Variants in SEMA3A observed in about 807,000 individuals in gnomAD.
The protein encoded by SEMA3A is semaphorin 3A.
A neutral mutation model predicts 97.9 loss-of-function variants in SEMA3A; 29 were observed. The ratio of observed to expected loss-of-function variants is 0.30; its 90% CI spans 0.22 to 0.40. The LOEUF is 0.40. Ranked by LOEUF, SEMA3A falls within the 10% of genes least tolerant of loss-of-function variation. The pLI is 1.00. For synonymous variants in SEMA3A, 321 were observed against 323.7 expected (o/e 0.99, Z 0.09); for missense variants, 763 against 951.3 (o/e 0.80, Z 2.60).
chr7:84,311,346 A>G (rs1562897487), intron 2 of SEMA3A, among the ~76,000 whole-genome samples: 2 of 151,956 alleles, frequency 1.3e-5, no homozygotes, highest in African/African-American at 4.8e-5. Context: ...ATTAGAATAA[A>G]TGTATGTATT....
intron 1 of SEMA3A, among the ~76,000 whole-genome samples, chr7:84,152,880 T>TA (rs911593138): frequency 6.6e-6 from 1 of 152,190 alleles, no homozygotes; most frequent in East Asian, 1.9e-4. Flanking sequence ...CATTTAAACG[T>TA]AAAAAAGTTG....
intron 3 of SEMA3A, among the ~76,000 whole-genome samples, chr7:84,246,100 C>G (rs1301086612): frequency 6.6e-6 from 1 of 152,192 alleles, no homozygotes; most frequent in Non-Finnish European, 1.5e-5. Context: ...GCAGGATTTG[C>G]AGCATTGCAG....
In SEMA3A at chr7:83,958,976, C is replaced by G. The variant is rs1460758687; in HGVS notation, c.*2395G>C. On this transcript the variant is annotated 3_prime_UTR_variant, in exon 17 of 17. Coordinates refer to ENST00000265362, the MANE Select transcript of SEMA3A (RefSeq NM_006080.3). ...TAATTCTTTTTCGTGCAAACTGCCCCCTCTCAATACACATGGGCAGAGATT... is the reference window on the plus strand; with the variant it reads ...TAATTCTTTTTCGTGCAAACTGCCCGCTCTCAATACACATGGGCAGAGATT... 1 of 151,950 alleles carries G rather than the reference C, an allele frequency of 6.6e-6. No individual in the cohort carries two copies. The highest frequency in any genetic ancestry group is 1.5e-5 in the Non-Finnish European group (1 of 67,884). The allele number at this position is 151,950 out of a possible 1,614,324, so 9.4% of individuals were successfully genotyped here.
intron 3 of SEMA3A, among the ~76,000 whole-genome samples, chr7:84,204,292 T>A (rs1798433449): frequency 6.6e-6 from 1 of 152,210 alleles, no homozygotes; most frequent in Non-Finnish European, 1.5e-5. Flanking sequence ...TCATAATTTG[T>A]AGCAATATAA....
chr7:84,050,828 T>C (rs1276053037), intron 5 of SEMA3A, among the ~76,000 whole-genome samples: 2 of 152,054 alleles, frequency 1.3e-5, no homozygotes, highest in African/African-American at 4.8e-5. Flanking sequence ...TCTTCTAGGG[T>C]TTTTATGGTT....
chr7:84,146,334 A>C (rs1439480280), intron 1 of SEMA3A, among the ~76,000 whole-genome samples: 1 of 152,136 alleles, frequency 6.6e-6, no homozygotes, highest in Non-Finnish European at 1.5e-5. Context: ...CATTTAGAAA[A>C]GAGCATACAT....
chr7:84,423,260 G>A (rs1804649853), intron 1 of SEMA3A, among the ~76,000 whole-genome samples: 1 of 152,004 alleles, frequency 6.6e-6, no homozygotes, highest in South Asian at 2.1e-4. Flanking sequence ...ATATGAATTT[G>A]TTACTAGGTT....
intron 3 of SEMA3A, among the ~76,000 whole-genome samples, chr7:84,306,944 T>C (rs1413857913): frequency 6.8e-6 from 1 of 147,664 alleles, no homozygotes. Flanking sequence ...AGTCTGGAGA[T>C]TTTTTTTTTT....
chr7:84,153,461 T>G lies in SEMA3A; in HGVS notation c.113-18510A>C, dbSNP rs183183199. On this transcript the variant is annotated intron_variant, in intron 1 of 16. Transcript: ENST00000265362. Reference sequence around the variant, plus strand: ...TACTGACCTTAGAAATCTTACCTTATGATCATGTGATGGCAAGTAAATGAG... The same window carrying G: ...TACTGACCTTAGAAATCTTACCTTAGGATCATGTGATGGCAAGTAAATGAG... Among the ~76,000 whole-genome samples, 227 of 152,262 alleles carry G rather than the reference T, an allele frequency of 1.5e-3. 3 individuals carry two copies. Among genetic ancestry groups the G allele is most frequent in the Admixed American group, 0.013 (204 of 15,302 alleles).
At chr7:84,146,008 T>A (rs1796453105) in intron 1 of SEMA3A, among the ~76,000 whole-genome samples, 1 of 152,178 alleles carries the variant, frequency 6.6e-6, no homozygotes. Context: ...CTCCTGCTTC[T>A]AGTTGATTTT....
At chr7:84,004,410 T>C (rs1790582171) in intron 11 of SEMA3A, among the ~76,000 whole-genome samples, 1 of 152,150 alleles carries the variant, frequency 6.6e-6, no homozygotes, top group Admixed American at 6.6e-5. Context: ...GAATCAATTA[T>C]GTTGTTTTTC....
intron 3 of SEMA3A, among the ~76,000 whole-genome samples, chr7:84,118,962 A>G (rs952369649): frequency 1.3e-5 from 2 of 152,174 alleles, no homozygotes; most frequent in Non-Finnish European, 2.9e-5. Context: ...GCCATAGACT[A>G]GCTCATTGTG....
At chr7:84,052,626 C>A (rs1006505556) in intron 5 of SEMA3A, among the ~76,000 whole-genome samples, 2 of 151,916 alleles carry the variant, frequency 1.3e-5, no homozygotes, top group Admixed American at 6.6e-5. Flanking sequence ...GTCTTGCTAG[C>A]GGCCTATCAA....
At chr7:84,259,489 G>A (rs1344430713) in intron 3 of SEMA3A, among the ~76,000 whole-genome samples, 1 of 151,986 alleles carries the variant, frequency 6.6e-6, no homozygotes, top group Non-Finnish European at 1.5e-5. Flanking sequence ...GGAATTGGGG[G>A]TGAAATGAAG....
intron 3 of SEMA3A, among the ~76,000 whole-genome samples, chr7:84,243,562 GGTCT>G (rs1169919418): frequency 3.9e-5 from 6 of 152,020 alleles, no homozygotes; most frequent in South Asian, 2.1e-4. Flanking sequence ...TTTGCCTAGT[GGTCT>G]GTCTATTTTG....
chr7:83,997,722 A>G (rs1248515831), intron 12 of SEMA3A, among the ~76,000 whole-genome samples: 1 of 152,084 alleles, frequency 6.6e-6, no homozygotes, highest in Non-Finnish European at 1.5e-5. Flanking sequence ...TTTAATTGTT[A>G]CAGATTGATA....
At chr7:84,331,398 A>C (rs1360849411) in intron 2 of SEMA3A, among the ~76,000 whole-genome samples, 1 of 152,176 alleles carries the variant, frequency 6.6e-6, no homozygotes, top group African/African-American at 2.4e-5. Flanking sequence ...ATAAAGTTTG[A>C]AAATGAAAGA....
chr7:84,299,808 T>TTA (rs1427767905), intron 3 of SEMA3A, among the ~76,000 whole-genome samples: 784 of 1,032 alleles, frequency 0.76, 311 homozygotes, highest in Admixed American at 0.79. Flanking sequence ...TAAGACTAGA[T>TTA]CACCTGAGGT....
At chr7:84,215,755 A>G (rs1384083881) in intron 3 of SEMA3A, among the ~76,000 whole-genome samples, 1 of 152,236 alleles carries the variant, frequency 6.6e-6, no homozygotes, top group African/African-American at 2.4e-5. Context: ...TTATTGGATG[A>G]ATAAATTCAT....
Sources: gnomAD v4.1 joint callset for allele counts (sites outside exome capture counted in the v4.1 genomes callset) on GRCh38, gnomAD v4.1.1 for gene constraint, MANE v1.5 for transcripts, NCBI Gene and HGNC (gene_info 2026-07-23, HGNC 2026-07-21) for gene names.